Variants in SBF2 observed in about 807,000 individuals in gnomAD.
The protein encoded by SBF2 is myotubularin-related protein 13.
Under a neutral mutation model 225.2 loss-of-function variants are expected in SBF2, and 112 were observed. The observed-to-expected ratio is 0.50, with a 90% CI of 0.43 to 0.58. The LOEUF is 0.58. SBF2 is among the 20% of genes least tolerant of loss of function. The pLI, the probability that SBF2 is intolerant of heterozygous loss-of-function variation, is 0.00. For missense variants in SBF2, 1,996 were observed against 2,206.2 expected (o/e 0.90, Z 1.91); for synonymous variants, 763 against 773.3 (o/e 0.99, Z 0.22).
At chr11:9,822,826 T>C (rs1854850958) in intron 28 of SBF2, among the ~76,000 whole-genome samples, 1 of 151,620 alleles carries the variant, frequency 6.6e-6, no homozygotes, top group Admixed American at 6.6e-5. Flanking sequence ...GCCCAGTGCA[T>C]GAGACACTAG....
At chr11:10,282,299 T>A (rs1963463394) in intron 1 of SBF2, among the ~76,000 whole-genome samples, 1 of 152,186 alleles carries the variant, frequency 6.6e-6, no homozygotes, top group African/African-American at 2.4e-5. Flanking sequence ...CTTTTGAATA[T>A]TGATTTTTCT....
intron 6 of SBF2, among the ~76,000 whole-genome samples, chr11:10,007,896 G>T (rs116894058): frequency 6.6e-6 from 1 of 152,288 alleles, no homozygotes; most frequent in East Asian, 1.9e-4. Flanking sequence ...AGAACTATGG[G>T]ACTTTATGGA....
intron 16 of SBF2, among the ~76,000 whole-genome samples, chr11:9,934,249 C>T (rs1864718649): frequency 6.6e-6 from 1 of 152,172 alleles, no homozygotes; most frequent in African/African-American, 2.4e-5. Context: ...CCTCCCAAGA[C>T]TAAACCTGGA....
chr11:9,892,998 C>T (rs1413386463), intron 17 of SBF2, among the ~76,000 whole-genome samples: 1 of 152,062 alleles, frequency 6.6e-6, no homozygotes, highest in Non-Finnish European at 1.5e-5. Flanking sequence ...AATGTTGCTG[C>T]CCAGATGTTG....
At chr11:9,900,314 A>G (rs1458799578) in intron 16 of SBF2, among the ~76,000 whole-genome samples, 2 of 152,150 alleles carry the variant, frequency 1.3e-5, no homozygotes, top group South Asian at 4.1e-4. Context: ...TAACTTCCTC[A>G]TAAAGCAACC....
chr11:9,935,012 A>C (rs984341077), intron 16 of SBF2, among the ~76,000 whole-genome samples: 1 of 152,208 alleles, frequency 6.6e-6, no homozygotes, highest in African/African-American at 2.4e-5. Context: ...GAGGAAGTGA[A>C]ATTGTCCCTG....
intron 17 of SBF2, among the ~76,000 whole-genome samples, chr11:9,863,841 G>A (rs1485184500): frequency 6.6e-6 from 1 of 151,384 alleles, no homozygotes; most frequent in South Asian, 2.1e-4. Context: ...CTATCCTAGA[G>A]GTAACCATGA....
chr11:9,887,072 T>C (rs1000573018), intron 17 of SBF2, among the ~76,000 whole-genome samples: 1 of 151,986 alleles, frequency 6.6e-6, no homozygotes. Flanking sequence ...ATAGTCTTAG[T>C]AGGCTGCCTC....
chr11:10,118,667 A>G (rs566245117), intron 2 of SBF2, among the ~76,000 whole-genome samples: 56 of 152,202 alleles, frequency 3.7e-4, no homozygotes, highest in Admixed American at 1.8e-3. Flanking sequence ...TCCATCTCCA[A>G]TTTTAGAAGA....
intron 1 of SBF2, among the ~76,000 whole-genome samples, chr11:10,201,794 G>C (rs566005227): frequency 6.6e-6 from 1 of 152,094 alleles, no homozygotes; most frequent in Non-Finnish European, 1.5e-5. Flanking sequence ...TCAGGAGTTC[G>C]AGACCAGCCT....
At chr11:9,993,243 A>G (rs932310805) in intron 10 of SBF2, 140 bp from the exon 11 acceptor site, 4 of 651,512 alleles carry the variant, frequency 6.1e-6, no homozygotes, top group African/African-American at 3.7e-5. Flanking sequence ...ACAACCAAAC[A>G]TAAGAAGAAA....
intron 28 of SBF2, among the ~76,000 whole-genome samples, chr11:9,823,835 G>A (rs1854914914): frequency 6.6e-6 from 1 of 152,214 alleles, no homozygotes; most frequent in Non-Finnish European, 1.5e-5. Context: ...TCAGGAAACA[G>A]CAGTATCTCT....
At chr11:9,807,291 C>T (rs138177956) in intron 32 of SBF2, among the ~76,000 whole-genome samples, 2 of 152,312 alleles carry the variant, frequency 1.3e-5, no homozygotes, top group Admixed American at 6.5e-5. Flanking sequence ...GATGTGCCTG[C>T]GATGAAGGCA....
At chr11:10,045,263 G>A (rs1476884099) in intron 2 of SBF2, among the ~76,000 whole-genome samples, 4 of 151,848 alleles carry the variant, frequency 2.6e-5, no homozygotes, top group Non-Finnish European at 4.4e-5. Context: ...CGCCTCCTGG[G>A]TTCAAGTGAT....
At chr11:9,883,687 T>C (rs993246460) in intron 17 of SBF2, among the ~76,000 whole-genome samples, 1 of 152,196 alleles carries the variant, frequency 6.6e-6, no homozygotes, top group Non-Finnish European at 1.5e-5. Context: ...AGGTCTTCGA[T>C]GTTGAGGTTC....
At chr11:10,164,595 T>C (rs561535850) in intron 2 of SBF2, among the ~76,000 whole-genome samples, 18 of 152,166 alleles carry the variant, frequency 1.2e-4, no homozygotes, top group Non-Finnish European at 2.4e-4. Flanking sequence ...AATCCTAATT[T>C]ATATAACTGT....
intron 1 of SBF2, among the ~76,000 whole-genome samples, chr11:10,265,373 T>C (rs1591332624): frequency 2.6e-5 from 4 of 152,058 alleles, no homozygotes; most frequent in South Asian, 2.1e-4. Context: ...GTTGGCTGCA[T>C]AAATGTCTTC....
chr11:10,144,706 A>G (rs1337313399), intron 2 of SBF2, among the ~76,000 whole-genome samples: 4 of 152,202 alleles, frequency 2.6e-5, no homozygotes, highest in Non-Finnish European at 5.9e-5. Flanking sequence ...AAAGTTCCAT[A>G]GTCATTTTCT....
At chr11:10,026,787 A>T (rs1949073162) in intron 6 of SBF2, among the ~76,000 whole-genome samples, 1 of 152,124 alleles carries the variant, frequency 6.6e-6, no homozygotes, top group Non-Finnish European at 1.5e-5. Flanking sequence ...GGGAGAATGT[A>T]ATCAACAAGA....
Sources: gnomAD v4.1 joint callset for allele counts (sites outside exome capture counted in the v4.1 genomes callset) on GRCh38, gnomAD v4.1.1 for gene constraint, MANE v1.5 for transcripts, NCBI Gene and HGNC (gene_info 2026-07-23, HGNC 2026-07-21) for gene names.